The following TESK2 variants were observed in gnomAD, a reference collection of about 807,000 sequenced individuals.
TESK2 encodes the protein dual specificity testis-specific protein kinase 2.
In TESK2, 39 loss-of-function variants were observed where a neutral mutation model predicts 57.1. The observed-to-expected ratio is 0.68, with a 90% CI of 0.53 to 0.89. TESK2 has a LOEUF of 0.89. TESK2 is among the 40% of genes least tolerant of loss of function. The pLI is 0.00. For synonymous variants in TESK2, 249 were observed against 267.9 expected (o/e 0.93, Z 0.69); for missense variants, 646 against 732.1 (o/e 0.88, Z 1.36).
At chr1:45,373,499 T>C (rs1225234703) in intron 4 of TESK2, among the ~76,000 whole-genome samples, 2 of 152,206 alleles carry the variant, frequency 1.3e-5, no homozygotes, top group Non-Finnish European at 2.9e-5. Flanking sequence ...TTTTAGACAA[T>C]CATTCTGCCA....
chr1:45,409,787 G>A (rs987984155), intron 3 of TESK2, among the ~76,000 whole-genome samples: 1 of 152,118 alleles, frequency 6.6e-6, no homozygotes, highest in Non-Finnish European at 1.5e-5. Context: ...GGTGGGAGAG[G>A]TCTGGAAAGA....
At chr1:45,363,855 G>T (rs1283855305) in intron 4 of TESK2, among the ~76,000 whole-genome samples, 1 of 152,020 alleles carries the variant, frequency 6.6e-6, no homozygotes, top group African/African-American at 2.4e-5. Flanking sequence ...TAGTTGTAGA[G>T]CCCTGAGTTG....
intron 1 of TESK2, among the ~76,000 whole-genome samples, chr1:45,472,825 AC>A (rs1652821194): frequency 6.6e-6 from 1 of 151,948 alleles, no homozygotes. Context: ...AGAGGACTAG[AC>A]TGAAGATGTA....
At chr1:45,362,524 G>A (rs1203869025) in intron 4 of TESK2, among the ~76,000 whole-genome samples, 1 of 152,214 alleles carries the variant, frequency 6.6e-6, no homozygotes, top group African/African-American at 2.4e-5. Flanking sequence ...AATTACCAGT[G>A]TACTGATACC....
At chr1:45,423,472 G>T (rs1259753835) in intron 2 of TESK2, among the ~76,000 whole-genome samples, 1 of 151,654 alleles carries the variant, frequency 6.6e-6, no homozygotes, top group Non-Finnish European at 1.5e-5. Context: ...CAGGAGAATG[G>T]CATGAGCCTG....
chr1:45,489,564 C>A (rs551464704), intron 1 of TESK2, among the ~76,000 whole-genome samples: 1 of 152,262 alleles, frequency 6.6e-6, no homozygotes, highest in Admixed American at 6.5e-5. Context: ...CCGAGGTGGG[C>A]GGATTGACTG....
chr1:45,373,384 T>A (rs1055082584), intron 4 of TESK2, among the ~76,000 whole-genome samples: 2 of 152,226 alleles, frequency 1.3e-5, no homozygotes, highest in African/African-American at 4.8e-5. Flanking sequence ...AAAAGGAAAC[T>A]ATCATTTGTA....
At chr1:45,483,291 AAAC>A (rs1381076419) in intron 1 of TESK2, among the ~76,000 whole-genome samples, 48 of 151,078 alleles carry the variant, frequency 3.2e-4, no homozygotes, top group Non-Finnish European at 3.0e-4. Context: ...AAAAAAAAAA[AAAC>A]AACAACAACA....
chr1:45,450,752 T>C (rs1651838726), intron 2 of TESK2, among the ~76,000 whole-genome samples: 1 of 149,864 alleles, frequency 6.7e-6, no homozygotes, highest in Non-Finnish European at 1.5e-5. Flanking sequence ...TGTATTTATT[T>C]ATTTATTTCT....
intron 2 of TESK2, among the ~76,000 whole-genome samples, chr1:45,447,532 C>A (rs1362083853): frequency 1.3e-5 from 2 of 151,840 alleles, no homozygotes; most frequent in East Asian, 3.9e-4. Context: ...GTGCCTTATT[C>A]TGGAATATCT....
chr1:45,347,699 G>C lies in TESK2; in HGVS notation c.624-6C>G, dbSNP rs577397725. The C allele has an allele frequency of 3.6e-4, 579 of 1,614,024 alleles. 13 individuals are homozygous for C. The South Asian group carries it at 6.1e-3, about 17-fold the overall frequency. On this transcript the variant is annotated splice_region_variant and splice_polypyrimidine_tract_variant and intron_variant, in intron 6 of 10. Transcript: ENST00000372086. ...CCAGCTTCTCACTCCCCATGCTGTG[G>C]GGTGAGATTATACAGAAAATGAGCT...
At chr1:45,456,672 A>G (rs1652117870) in intron 2 of TESK2, among the ~76,000 whole-genome samples, 1 of 152,190 alleles carries the variant, frequency 6.6e-6, no homozygotes, top group African/African-American at 2.4e-5. Flanking sequence ...TTTCTTAGGC[A>G]ATGCCTATTA....
intron 3 of TESK2, among the ~76,000 whole-genome samples, chr1:45,399,140 A>AT (rs753087306): frequency 0.15 from 15,058 of 99,766 alleles, 2,982 homozygotes; most frequent in African/African-American, 0.36. Context: ...AAAAGTTGAA[A>AT]TTTTTTTTTT....
chr1:45,426,204 A>G (rs919662350), intron 2 of TESK2, among the ~76,000 whole-genome samples: 1 of 152,122 alleles, frequency 6.6e-6, no homozygotes, highest in Non-Finnish European at 1.5e-5. Flanking sequence ...TTCAAATTAT[A>G]CCACAGAGCT....
intron 5 of TESK2, among the ~76,000 whole-genome samples, chr1:45,351,742 G>T (rs1486747480): frequency 6.6e-6 from 1 of 152,230 alleles, no homozygotes; most frequent in Non-Finnish European, 1.5e-5. Context: ...GGACAAAACT[G>T]GGCCTGGAAC....
Position 45,344,768 on chromosome 1 carries a change from G to T in TESK2, c.*72C>A. On this transcript the variant is annotated 3_prime_UTR_variant, in exon 11 of 11. Coordinates refer to ENST00000372086, the MANE Select transcript of TESK2 (RefSeq NM_007170.3). Reference sequence around the variant, plus strand: ...CTGTAGGCTCCAGGGAAGAATCAAGGCTGTGCACCTAGGGGGCCATATGGT... The same window carrying T: ...CTGTAGGCTCCAGGGAAGAATCAAGTCTGTGCACCTAGGGGGCCATATGGT... 1 of 1,397,522 alleles carries T rather than the reference G, an allele frequency of 7.2e-7. No homozygotes were observed. Among genetic ancestry groups the T allele is most frequent in the Non-Finnish European group, 9.9e-7 (1 of 1,013,910 alleles). 86.6% of individuals were successfully genotyped at this position (1,397,522 alleles called of 1,614,324 possible). A position where few individuals can be genotyped will look rare whatever the true frequency, so the allele number is the denominator to read the frequency against.
chr1:45,404,143 T>C (rs1649740312), intron 3 of TESK2, among the ~76,000 whole-genome samples: 1 of 152,226 alleles, frequency 6.6e-6, no homozygotes, highest in Non-Finnish European at 1.5e-5. Context: ...CTTCAATCTA[T>C]GTGAGCACAT....
intron 5 of TESK2, among the ~76,000 whole-genome samples, chr1:45,354,914 T>A (rs929679661): frequency 6.9e-6 from 1 of 144,480 alleles, no homozygotes; most frequent in Non-Finnish European, 1.5e-5. Context: ...TGGGGCACAG[T>A]GACTCACGCC....
At chr1:45,458,149 C>T (rs1416430105) in intron 1 of TESK2, among the ~76,000 whole-genome samples, 1 of 152,110 alleles carries the variant, frequency 6.6e-6, no homozygotes, top group Non-Finnish European at 1.5e-5. Flanking sequence ...CACCTACTTT[C>T]TAGGAAACAT....
Sources: allele counts gnomAD v4.1 joint callset (sites outside exome capture counted in the v4.1 genomes callset), GRCh38; gene constraint gnomAD v4.1.1; transcripts MANE v1.5; gene names NCBI Gene and HGNC (gene_info 2026-07-23, HGNC 2026-07-21).